Variants in VIP observed in about 807,000 individuals in gnomAD.
The protein encoded by VIP is VIP peptides.
In VIP, 18 loss-of-function variants were observed where a neutral mutation model predicts 20.1. The ratio of observed to expected loss-of-function variants is 0.90; its 90% CI spans 0.62 to 1.33. The LOEUF (loss-of-function observed/expected upper bound fraction) is 1.33. Ranked by LOEUF, VIP falls within the 40% of genes most tolerant of loss-of-function variation. The probability of loss-of-function intolerance (pLI) is 0.00; values close to 1 mark genes in which losing one functional copy is unlikely to be tolerated. For synonymous variants in VIP, 70 were observed against 68.1 expected, an observed-to-expected ratio of 1.03 and a Z score of -0.14; for missense variants, 209 against 199.4, an observed-to-expected ratio of 1.05 and a Z score of -0.29.
chr6:152,756,199 A>G lies in VIP; in HGVS notation c.401A>G (p.Tyr134Cys). ...RHSDAVFTDN[Y>C]TRLRKQMAVK... ...TCAGATGCAGTCTTCACTGACAACTATACCCGCCTTAGAAAACAAATGGCT... is the reference window on the plus strand; with the variant it reads ...TCAGATGCAGTCTTCACTGACAACTGTACCCGCCTTAGAAAACAAATGGCT... Residue 134 changes from tyrosine to cysteine, a missense_variant, in exon 5 of 7, where the codon TAT becomes TGT. Physicochemically the swap from Tyr to Cys is radical, Grantham distance 194. Coordinates refer to ENST00000367244, the MANE Select transcript of VIP (RefSeq NM_003381.4). 6.2e-7 allele frequency: 1 copy of G among 1,612,050 alleles called. No homozygotes were observed. The highest frequency in any genetic ancestry group is 1.3e-5 in the African/African-American group (1 of 74,906).
Position 152,754,267 on chromosome 6 carries a change from C to G in VIP, c.209C>G (p.Thr70Arg). The G allele has an allele frequency of 6.2e-7, 1 of 1,610,732 alleles. No homozygotes were observed. The highest frequency in any genetic ancestry group is 8.5e-7 in the Non-Finnish European group (1 of 1,178,144). The change falls in exon 3 of 7, where the codon ACA becomes AGA. Residue 70 changes from threonine to arginine, a missense_variant. Coordinates refer to ENST00000367244, the MANE Select transcript of VIP (RefSeq NM_003381.4). Reference sequence around the variant, plus strand: ...CAAAATGCATTAGCTGAAAATGACACACCCTATTATGATGTATCCAGGTGA... The same window carrying G: ...CAAAATGCATTAGCTGAAAATGACAGACCCTATTATGATGTATCCAGGTGA... Reference protein sequence around the residue: ...MLQNALAENDTPYYDVSRNAR... With the variant: ...MLQNALAENDRPYYDVSRNAR...
intron 3 of VIP, 136 bp from the exon 4 acceptor site, chr6:152,755,133 A>C: frequency 1.9e-6 from 1 of 519,320 alleles, no homozygotes; most frequent in Non-Finnish European, 3.4e-6. Context: ...GGTGTTAAGA[A>C]ATCTCCTTTT....
In VIP at chr6:152,759,073, T is replaced by C. The variant is rs1196487319; in HGVS notation, c.*207T>C. Reference sequence around the variant, plus strand: ...ACTGTGAAGTTTACATTGTAAATAGTATTTGAGAGTTCTAAATTTTGTCTT... The same window carrying C: ...ACTGTGAAGTTTACATTGTAAATAGCATTTGAGAGTTCTAAATTTTGTCTT... On this transcript the variant is annotated 3_prime_UTR_variant, in exon 7 of 7. Transcript: ENST00000367244. 2.0e-5 allele frequency: 3 copies of C among 152,466 alleles called. No homozygotes were observed. The highest frequency in any genetic ancestry group is 4.1e-4 in the South Asian group (2 of 4,832). 9.4% of individuals were successfully genotyped at this position (152,466 alleles called of 1,614,324 possible).
At chr6:152,758,184 G>A (rs2099730710) in intron 6 of VIP, among the ~76,000 whole-genome samples, 1 of 151,952 alleles carries the variant, frequency 6.6e-6, no homozygotes, top group African/African-American at 2.4e-5. Flanking sequence ...ACTAGGTTAA[G>A]GAGATTAAAT....
At chr6:152,756,470 G>A (rs1037858763) in intron 5 of VIP, among the ~76,000 whole-genome samples, 5 of 151,916 alleles carry the variant, frequency 3.3e-5, no homozygotes, top group African/African-American at 1.2e-4. Context: ...CAGGAAATCG[G>A]TGTCTTCGGT....
At chr6:152,757,045 C>T in intron 5 of VIP, 51 bp from the exon 6 acceptor site, 1 of 1,574,908 alleles carries the variant, frequency 6.3e-7, no homozygotes, top group Non-Finnish European at 8.7e-7. Context: ...TTTCTTTAGA[C>T]CCTTTCTCAT....
At chr6:152,754,488 A>G (rs1250893756) in intron 3 of VIP, among the ~76,000 whole-genome samples, 200 bp downstream of exon 3, 1 of 152,016 alleles carries the variant, frequency 6.6e-6, no homozygotes, top group Admixed American at 6.6e-5. Context: ...AAAGGTTGTA[A>G]CAAGCCAGGA....
At chr6:152,752,422 A>G (rs2099729783) in intron 2 of VIP, 138 bp downstream of exon 2, 1 of 644,554 alleles carries the variant, frequency 1.6e-6, no homozygotes, top group Non-Finnish European at 2.5e-6. Context: ...GTTGAGTGAG[A>G]GGTGTTTGTC....
At chr6:152,755,634 T>G (rs2099730313) in intron 4 of VIP, among the ~76,000 whole-genome samples, 1 of 151,812 alleles carries the variant, frequency 6.6e-6, no homozygotes, top group Admixed American at 6.6e-5. Context: ...GCAATCAAAT[T>G]GAACAAGACT....
chr6:152,751,313 C>T (rs1025844619), intron 1 of VIP, among the ~76,000 whole-genome samples: 2 of 150,712 alleles, frequency 1.3e-5, no homozygotes, highest in African/African-American at 2.4e-5. Flanking sequence ...TTTTAAAGTG[C>T]TTTTTTTTTC....
intron 2 of VIP, 30 bp from the exon 3 acceptor site, chr6:152,754,136 G>A (rs776158117): frequency 2.5e-6 from 4 of 1,601,834 alleles, no homozygotes; most frequent in African/African-American, 1.3e-5. Context: ...AAAAAAGAAT[G>A]TATTATTCTC....
intron 2 of VIP, 33 bp downstream of exon 2, chr6:152,752,317 T>C: frequency 6.5e-7 from 1 of 1,537,636 alleles, no homozygotes; most frequent in Non-Finnish European, 9.0e-7. Flanking sequence ...CATCTGAACA[T>C]TCCTTCCTCA....
At chr6:152,755,248 T>C in intron 3 of VIP, 21 bp from the exon 4 acceptor site, 2 of 1,512,832 alleles carry the variant, frequency 1.3e-6, no homozygotes, top group Non-Finnish European at 1.8e-6. Flanking sequence ...ATAATAGCTA[T>C]TTTTTTCTTC....
At chr6:152,757,276 TTAAA>T (rs1201912888) in intron 6 of VIP, 92 bp downstream of exon 6, 13 of 801,946 alleles carry the variant, frequency 1.6e-5, no homozygotes, top group Non-Finnish European at 2.5e-5. Context: ...CATCTTAGGG[TTAAA>T]TAGTTTCTCA....
intron 4 of VIP, 38 bp downstream of exon 4, chr6:152,755,411 A>C (rs1044425852): frequency 2.0e-5 from 25 of 1,271,692 alleles, no homozygotes; most frequent in African/African-American, 4.7e-5. Context: ...ATATGTTATC[A>C]TTATTCAATC....
chr6:152,755,499 T>C, intron 4 of VIP, 126 bp downstream of exon 4: 1 of 573,136 alleles, frequency 1.7e-6, no homozygotes, highest in Non-Finnish European at 2.8e-6. Flanking sequence ...TTTAATTTAG[T>C]TAAATGAAAT....
chr6:152,754,346 A>T, intron 3 of VIP, 58 bp downstream of exon 3: 1 of 1,509,728 alleles, frequency 6.6e-7, no homozygotes, highest in Non-Finnish European at 9.0e-7. Flanking sequence ...TGTGTTTAAG[A>T]ACTATAAACG....
At chr6:152,754,328 T>C (rs1486992374) in intron 3 of VIP, 40 bp downstream of exon 3, 1 of 1,557,144 alleles carries the variant, frequency 6.4e-7, no homozygotes, top group Non-Finnish European at 8.7e-7. Flanking sequence ...GAGTTTTATT[T>C]TAGAAAATGT....
chr6:152,758,156 G>T (rs2129075292), intron 6 of VIP, among the ~76,000 whole-genome samples: 1 of 152,036 alleles, frequency 6.6e-6, no homozygotes, highest in East Asian at 1.9e-4. Context: ...CTGAAGGTGA[G>T]CCAGATTCCA....
Sources: gnomAD v4.1 joint callset for allele counts (sites outside exome capture counted in the v4.1 genomes callset) on GRCh38, gnomAD v4.1.1 for gene constraint, MANE v1.5 for transcripts, NCBI Gene and HGNC (gene_info 2026-07-23, HGNC 2026-07-21) for gene names.